Variants in SLC7A3 observed in about 807,000 individuals in gnomAD.
SLC7A3 encodes the protein cationic amino acid transporter 3.
A neutral mutation model predicts 33.2 loss-of-function variants in SLC7A3; 3 were observed. That is an observed-to-expected ratio of 0.09 (90% CI 0.04 to 0.23). The LOEUF (loss-of-function observed/expected upper bound fraction) is 0.23, where lower values mean the gene tolerates loss of function less well. Among genes scored for constraint, SLC7A3 ranks in the 10% least tolerant of loss-of-function variants. The pLI is 1.00. For missense variants in SLC7A3, 360 were observed against 488.8 expected (o/e 0.74, Z 2.48); for synonymous variants, 193 against 195.1 (o/e 0.99, Z 0.09).
Position 70,926,909 on chromosome X carries a change from A to G in SLC7A3, c.1419T>C (p.Ser473=), listed in dbSNP as rs2091898221. ...AGGAACAAACATAGACAATTTGGCCAGAGAGTGGAGTGGGGATGGAGTTGA... is the reference window on the plus strand; with the variant it reads ...AGGAACAAACATAGACAATTTGGCCGGAGAGTGGAGTGGGGATGGAGTTGA... ...FPLNSIPTPL[S]GQIVYVCSSL... Residue 473 remains serine, a synonymous_variant, in exon 9 of 12, where the codon TCT becomes TCC. Transcript: ENST00000374299. 1.7e-6 allele frequency: 2 copies of G among 1,210,696 alleles called. No individual in the cohort carries two copies. The highest frequency in any genetic ancestry group is 1.1e-6 in the Non-Finnish European group (1 of 895,302).
In SLC7A3 at chrX:70,927,840, C is replaced by A. The variant is rs779958981; in HGVS notation, c.1001G>T (p.Arg334Leu). ...AFLYIGWAPA[R>L]YVVAVGSLCA... ...GAGGGAGCCAACAGCCACAACATAG[C>A]GGGCAGGAGCCCATCCAATGTAGAG... is the stretch of plus-strand genomic sequence containing the variant. The change falls in exon 6 of 12, where the codon CGC (arginine) becomes CTC (leucine). Residue 334 changes from arginine (R) to leucine (L), a missense_variant. Arg to Leu is a moderately radical substitution (Grantham distance 102, BLOSUM62 -2). Coordinates refer to ENST00000374299, the MANE Select transcript of SLC7A3 (RefSeq NM_032803.6). 1 of 1,191,617 alleles carries A rather than the reference C, an allele frequency of 8.4e-7. No homozygotes were observed.
At chrX:70,928,118 C>T (rs774186582) in intron 5 of SLC7A3, 27 bp downstream of exon 5, 3 of 1,198,731 alleles carry the variant, frequency 2.5e-6, no homozygotes, top group South Asian at 1.8e-5. Context: ...TGCCCAAGCC[C>T]CAAACAGAAT....
intron 1 of SLC7A3, among the ~76,000 whole-genome samples, chrX:70,930,461 C>T (rs1052455384): frequency 2.7e-5 from 3 of 111,604 alleles, no homozygotes; most frequent in Non-Finnish European, 5.7e-5. Flanking sequence ...ACAGACACAG[C>T]CCCCAGACCC....
rs375791608 is a variant in SLC7A3, at chrX:70,928,252, C to G, written c.713G>C (p.Gly238Ala). 1 of 1,207,724 alleles carries G rather than the reference C, an allele frequency of 8.3e-7. No individual in the cohort carries two copies. The highest frequency in any genetic ancestry group is 1.1e-6 in the Non-Finnish European group (1 of 892,016). ...MAELNDTYSL[G>A]PLGSGGFVPF... ...CACAAATCCTCCAGAGCCCAGAGGACCCAAGCTAGAGTGGAAGAAGGGTTG... is the reference window on the plus strand; with the variant it reads ...CACAAATCCTCCAGAGCCCAGAGGAGCCAAGCTAGAGTGGAAGAAGGGTTG... The change falls in exon 5 of 12, where the codon GGT (glycine) becomes GCT (alanine). Residue 238 changes from glycine (G) to alanine (A), a missense_variant. Physicochemically the swap from Gly to Ala is moderately conservative, Grantham distance 60 (BLOSUM62 0). Coordinates refer to ENST00000374299, the MANE Select transcript of SLC7A3 (RefSeq NM_032803.6).
intron 2 of SLC7A3, among the ~76,000 whole-genome samples, chrX:70,929,322 C>G (rs758679997): frequency 1.2e-3 from 135 of 111,977 alleles, no homozygotes; most frequent in African/African-American, 4.0e-3. Flanking sequence ...AACTCCTGAC[C>G]TCAGGTGATC....
chrX:70,930,245 A>G (rs752844477), intron 1 of SLC7A3, among the ~76,000 whole-genome samples: 8 of 112,132 alleles, frequency 7.1e-5, no homozygotes, highest in African/African-American at 2.3e-4. Flanking sequence ...AATTTCAGAA[A>G]TGGCACGTGA....
intron 4 of SLC7A3, 59 bp from the exon 5 acceptor site, chrX:70,928,316 T>A: frequency 8.9e-7 from 1 of 1,119,545 alleles, no homozygotes; most frequent in Non-Finnish European, 1.2e-6. Flanking sequence ...CTGTATCTTT[T>A]CTCTAATGCC....
Position 70,929,767 on chromosome X carries a change from A to G in SLC7A3, c.231T>C (p.Ser77=), listed in dbSNP as rs1602238129. ...CCGCATAGCACAGCCCAGCCAACAC[A>G]GAAGACAGGGCAGCCACCAAAAAGC... ...VICFLVAALS[S]VLAGLCYAEF... The change falls in exon 2 of 12, where the codon TCT becomes TCC. Residue 77 remains serine, a synonymous_variant. Transcript: ENST00000374299. 8.3e-7 allele frequency: 1 copy of G among 1,211,032 alleles called. No individual in the cohort carries two copies. Among genetic ancestry groups the G allele is most frequent in the African/African-American group, 1.7e-5 (1 of 57,843 alleles).
At chrX:70,926,441 A>G (rs774417127) in intron 10 of SLC7A3, 86 bp downstream of exon 10, 1 of 1,006,710 alleles carries the variant, frequency 9.9e-7, no homozygotes, top group African/African-American at 1.9e-5. Context: ...ATTAAAGAAT[A>G]TCTATGAACT....
rs1246191199 is a variant in SLC7A3 at position 70,928,644 on chromosome X, A to T, written c.530-11T>A. The T allele has an allele frequency of 8.4e-7, 1 of 1,191,567 alleles. No individual in the cohort carries two copies. The highest frequency in any genetic ancestry group is 1.1e-6 in the Non-Finnish European group (1 of 884,909). On this transcript the variant is annotated splice_polypyrimidine_tract_variant and intron_variant, in intron 3 of 11. Transcript: ENST00000374299. ...CGAGAGCCAACAATCCTGTGGGAGA[A>T]ATGCATTCAGGACTCCCAGAAAGTC...
chrX:70,930,689 C>G (rs2091909245), intron 1 of SLC7A3, among the ~76,000 whole-genome samples: 1 of 112,378 alleles, frequency 8.9e-6, no homozygotes, highest in Admixed American at 9.4e-5. Context: ...GATGCGCCCC[C>G]AGAGGGGCCC....
Position 70,929,730 on chromosome X carries a change from G to T in SLC7A3, c.268C>A (p.Arg90=). The change falls in exon 2 of 12, where the codon CGG becomes AGG. Residue 90 remains arginine, a synonymous_variant. Transcript: ENST00000374299. The part of the protein sequence containing the change: ...AGLCYAEFGA[R]VPRSGSAYLY... Reference sequence around the variant, plus strand: ...TATGCCGAACCAGAACGGGGAACCCGGGCACCAAACTCCGCATAGCACAGC... The same window carrying T: ...TATGCCGAACCAGAACGGGGAACCCTGGCACCAAACTCCGCATAGCACAGC... 1 of 1,211,182 alleles carries T rather than the reference G, an allele frequency of 8.3e-7. No individual in the cohort carries two copies. The highest frequency in any genetic ancestry group is 1.8e-5 in the South Asian group (1 of 56,873).
In SLC7A3 at chrX:70,927,286, G is replaced by A; in HGVS notation, c.1282C>T (p.Leu428Phe). 1 of 1,203,956 alleles carries A rather than the reference G, an allele frequency of 8.3e-7. No individual in the cohort carries two copies. The highest frequency in any genetic ancestry group is 1.8e-5 in the South Asian group (1 of 56,365). ...YSLVSICVLILRYQPDQETKT... is the reference protein window; with the variant it reads ...YSLVSICVLIFRYQPDQETKT... ...TATGCAGAGGAAGAGTCTCACCTGA[G>A]GATGAGAACACAAATCGACACCAGG... The change falls in exon 8 of 12, where the codon CTC (leucine) becomes TTC (phenylalanine). Residue 428 changes from leucine to phenylalanine, a missense_variant. Coordinates refer to ENST00000374299, the MANE Select transcript of SLC7A3 (RefSeq NM_032803.6).
Position 70,928,614 on chromosome X carries a change from A to G in SLC7A3, c.549T>C (p.Ala183=). The stretch of plus-strand genomic sequence containing the variant: ...CTTTGGTAACCAGGGCCGACTCACT[A>G]GCCCCGAGAGCCAACAATCCTGTGG... ...LLLTGLLALG[A]SESALVTKVF... Residue 183 remains alanine, a synonymous_variant, in exon 4 of 12, where the codon GCT becomes GCC. Transcript: ENST00000374299. 1.7e-6 allele frequency: 2 copies of G among 1,202,468 alleles called. No homozygotes were observed. The highest frequency in any genetic ancestry group is 3.6e-5 in the South Asian group (2 of 55,008).
chrX:70,926,420 T>C (rs976647122), intron 10 of SLC7A3, 107 bp downstream of exon 10: 6 of 947,196 alleles, frequency 6.3e-6, no homozygotes, highest in Non-Finnish European at 8.6e-6. Context: ...ATATCTTCCC[T>C]TTCATGTTCA....
In SLC7A3 at chrX:70,925,805, T is replaced by G; in HGVS notation, c.*8A>C. 1 of 1,211,183 alleles carries G rather than the reference T, an allele frequency of 8.3e-7. No individual in the cohort carries two copies. Among genetic ancestry groups the G allele is most frequent in the Non-Finnish European group, 1.1e-6 (1 of 895,429 alleles). Reference sequence around the variant, plus strand: ...CAGGGGACCAGACAGCATTTAGGTGTGACGATGTCAAACTGAGTGGACATA... The same window carrying G: ...CAGGGGACCAGACAGCATTTAGGTGGGACGATGTCAAACTGAGTGGACATA... On this transcript the variant is annotated 3_prime_UTR_variant, in exon 12 of 12. Coordinates refer to ENST00000374299, the MANE Select transcript of SLC7A3 (RefSeq NM_032803.6).
chrX:70,928,594 G>A lies in SLC7A3; in HGVS notation c.569C>T (p.Thr190Ile). The change falls in exon 4 of 12, where the codon ACC becomes ATC. Residue 190 changes from threonine to isoleucine, a missense_variant. By Grantham distance (89) the Thr-to-Ile change is moderately conservative. Coordinates refer to ENST00000374299, the MANE Select transcript of SLC7A3 (RefSeq NM_032803.6). ...AAGGTTCACGCCTGTGAACACTTTG[G>A]TAACCAGGGCCGACTCACTAGCCCC... ...ALGASESALVTKVFTGVNLLV... is the reference protein window; with the variant it reads ...ALGASESALVIKVFTGVNLLV... 8.3e-7 allele frequency: 1 copy of A among 1,206,771 alleles called. No homozygotes were observed. The highest frequency in any genetic ancestry group is 1.1e-6 in the Non-Finnish European group (1 of 893,249).
rs745498618 is a variant in SLC7A3 at position 70,926,493 on chromosome X, G to T, written c.1620+34C>A. ...TATCTGGAGCCTATTCTCCCAAGAT[G>T]GGCTGGCAAGGAAAAAAGACAGAGT... On this transcript the variant is annotated intron_variant, in intron 10 of 11. Coordinates refer to ENST00000374299, the MANE Select transcript of SLC7A3 (RefSeq NM_032803.6). 35 of 1,168,982 alleles carry T rather than the reference G, an allele frequency of 3.0e-5. 1 individual carries two copies. In the South Asian group the frequency reaches 6.0e-4, roughly 20 times the overall value.
At chrX:70,930,671 G>T (rs890052059) in intron 1 of SLC7A3, among the ~76,000 whole-genome samples, 1 of 112,271 alleles carries the variant, frequency 8.9e-6, no homozygotes, top group African/African-American at 3.2e-5. Context: ...GACATCTAAA[G>T]ATTTGGAGAT....
Sources: allele counts gnomAD v4.1 joint callset (sites outside exome capture counted in the v4.1 genomes callset), GRCh38; gene constraint gnomAD v4.1.1; transcripts MANE v1.5; gene names NCBI Gene and HGNC (gene_info 2026-07-23, HGNC 2026-07-21).